The following SLC24A4 variants were observed in gnomAD, a reference collection of about 807,000 sequenced individuals.
The protein encoded by SLC24A4 is sodium/potassium/calcium exchanger 4.
Under a neutral mutation model 79.0 loss-of-function variants are expected in SLC24A4, and 53 were observed. That is an observed-to-expected ratio of 0.67 (90% CI 0.54 to 0.84). SLC24A4 has a LOEUF of 0.84. Among genes scored for constraint, SLC24A4 ranks in the 40% least tolerant of loss-of-function variants. The pLI, the probability that SLC24A4 is intolerant of heterozygous loss-of-function variation, is 0.00. For synonymous variants in SLC24A4, 323 were observed against 323.8 expected (o/e 1.00, Z 0.03); for missense variants, 731 against 822.0 (o/e 0.89, Z 1.35).
chr14:92,420,409 G>A (rs1891212225), intron 2 of SLC24A4, among the ~76,000 whole-genome samples: 1 of 152,096 alleles, frequency 6.6e-6, no homozygotes, highest in African/African-American at 2.4e-5. Flanking sequence ...GAACCTGGGG[G>A]CAGAGGTTGC....
chr14:92,369,223 A>G (rs1274226700), intron 2 of SLC24A4, among the ~76,000 whole-genome samples: 3 of 152,240 alleles, frequency 2.0e-5, no homozygotes, highest in African/African-American at 7.2e-5. Flanking sequence ...GGTGAGTACA[A>G]GACAATCTGA....
rs1484148777 is a variant in SLC24A4, at chr14:92,474,827, A to ATGTGTGTGTGTGTGTGTGTGTG, written c.1256-7852_1256-7851insGTGTGTGTGTGTGTGTGTGTGT. Among the ~76,000 whole-genome samples the ATGTGTGTGTGTGTGTGTGTGTG allele has an allele frequency of 1.6e-3, 122 of 77,276 alleles. 6 individuals are homozygous for ATGTGTGTGTGTGTGTGTGTGTG. Among genetic ancestry groups the ATGTGTGTGTGTGTGTGTGTGTG allele is most frequent in the African/African-American group, 5.3e-3 (112 of 21,206 alleles). 50.7% of individuals were successfully genotyped at this position (77,276 alleles called of 152,430 possible). On this transcript the variant is annotated intron_variant, in intron 12 of 16. Transcript: ENST00000532405. ...TACATATATACATATATATACATAT[A>ATGTGTGTGTGTGTGTGTGTGTG]TATGTGTGTGTGTGTGTATATATAT...
At chr14:92,471,686 A>G (rs2139892034) in intron 12 of SLC24A4, among the ~76,000 whole-genome samples, 1 of 152,304 alleles carries the variant, frequency 6.6e-6, no homozygotes, top group South Asian at 2.1e-4. Context: ...ATTATGGAAT[A>G]CATGATTAGC....
At position 92,330,154 on chromosome 14, in the gene SLC24A4, G is replaced by GA. The variant is rs1202091027; in HGVS notation, c.241+4176_241+4177insA. Among the ~76,000 whole-genome samples, 4 of 5,278 alleles carry GA rather than the reference G, an allele frequency of 7.6e-4. No individual in the cohort carries two copies. In the Non-Finnish European group the frequency reaches 0.048, roughly 63 times the overall value. 3.5% of individuals were successfully genotyped at this position (5,278 alleles called of 152,430 possible). ...AGCATGTCAGGAATGCAGAGTCTCA[G>GA]GCCCCCCAATCAGAATTGGCATCCT... On this transcript the variant is annotated intron_variant, in intron 2 of 16. Transcript: ENST00000532405.
At chr14:92,448,362 A>G (rs1233223505) in intron 9 of SLC24A4, among the ~76,000 whole-genome samples, 2 of 151,662 alleles carry the variant, frequency 1.3e-5, no homozygotes, top group Non-Finnish European at 2.9e-5. Context: ...ACACACACAC[A>G]CACACACACA....
chr14:92,372,714 G>A (rs1213618695), intron 2 of SLC24A4, among the ~76,000 whole-genome samples: 3 of 152,096 alleles, frequency 2.0e-5, no homozygotes, highest in Admixed American at 6.5e-5. Context: ...TCTCCCCTGG[G>A]CCTTCATCAA....
rs1315694868 is a variant in SLC24A4 at position 92,493,776 on chromosome 14, TTGTC to T, written c.*151_*154del. 8 of 977,124 alleles carry T rather than the reference TTGTC, an allele frequency of 8.2e-6. No individual in the cohort carries two copies. Among genetic ancestry groups the T allele is most frequent in the Middle Eastern group, 3.2e-4 (1 of 3,098 alleles). 60.5% of individuals were successfully genotyped at this position (977,124 alleles called of 1,614,324 possible). On this transcript the variant is annotated 3_prime_UTR_variant, in exon 17 of 17. Transcript: ENST00000532405. ...CTGGAAGGAAGAGCCATCGTGGTCT[TTGTC>T]TGGCCACAGGCCAGGCTGCTGGGCA... is the stretch of plus-strand genomic sequence containing the variant.
chr14:92,408,543 G>C, intron 2 of SLC24A4: 5 of 478,260 alleles, frequency 1.0e-5, no homozygotes, highest in Non-Finnish European at 1.4e-5. Flanking sequence ...AGCCAGGTCT[G>C]TGTGGCTTGG....
At chr14:92,385,879 T>A (rs1381666630) in intron 2 of SLC24A4, among the ~76,000 whole-genome samples, 1 of 152,174 alleles carries the variant, frequency 6.6e-6, no homozygotes, top group Non-Finnish European at 1.5e-5. Flanking sequence ...TCGCACCTCC[T>A]GGGATGCGAG....
chr14:92,342,366 T>TAAC (rs200565023), intron 2 of SLC24A4, among the ~76,000 whole-genome samples: 24 of 148,526 alleles, frequency 1.6e-4, no homozygotes, highest in Non-Finnish European at 3.1e-4. Flanking sequence ...TTTTCCCCAT[T>TAAC]TATTTATTTA....
chr14:92,408,504 G>A (rs1444573217), intron 2 of SLC24A4: 5 of 892,060 alleles, frequency 5.6e-6, no homozygotes, highest in Non-Finnish European at 5.4e-6. Context: ...TGAGGAGTGA[G>A]CCAAGGTAGA....
chr14:92,358,249 T>TAGG (rs1463924924), intron 2 of SLC24A4, among the ~76,000 whole-genome samples: 1 of 152,194 alleles, frequency 6.6e-6, no homozygotes, highest in Non-Finnish European at 1.5e-5. Flanking sequence ...GCAACTGGGA[T>TAGG]AGGTCCTTCT....
chr14:92,342,332 T>C (rs1276505343), intron 2 of SLC24A4, among the ~76,000 whole-genome samples: 3 of 151,464 alleles, frequency 2.0e-5, no homozygotes, highest in African/African-American at 7.3e-5. Flanking sequence ...TCTCCATTTC[T>C]GACATGCTCC....
In SLC24A4 at chr14:92,353,487, A is replaced by C. The variant is rs1887000413; in HGVS notation, c.241+27509A>C. ...GACAGATGGTGCCAGAGGGTCCTCC[A>C]TCAAGTCTGTACCCATTGGCAGCCT... On this transcript the variant is annotated intron_variant, in intron 2 of 16. Transcript: ENST00000532405. The surrounding 1 kb of genome is among the most constrained non-coding windows in gnomAD (Gnocchi z 4.1). Among the ~76,000 whole-genome samples, 1 of 152,200 alleles carries C rather than the reference A, an allele frequency of 6.6e-6. No individual in the cohort carries two copies. The highest frequency in any genetic ancestry group is 1.5e-5 in the Non-Finnish European group (1 of 68,040).
intron 2 of SLC24A4, among the ~76,000 whole-genome samples, chr14:92,396,218 G>A (rs1889768437): frequency 6.6e-6 from 1 of 152,214 alleles, no homozygotes; most frequent in African/African-American, 2.4e-5. Context: ...GGTGTGGGTT[G>A]TTTGCATCAC....
chr14:92,456,265 A>C (rs1595311177), intron 11 of SLC24A4, 139 bp from the exon 12 acceptor site: 2 of 747,288 alleles, frequency 2.7e-6, no homozygotes, highest in East Asian at 5.4e-5. Context: ...CCTGGGGCTG[A>C]TTCTCAGGCA....
chr14:92,483,512 G>A (rs550732281), intron 13 of SLC24A4, among the ~76,000 whole-genome samples: 1 of 152,320 alleles, frequency 6.6e-6, no homozygotes, highest in East Asian at 1.9e-4. Flanking sequence ...CTGCCTCTCA[G>A]TTTGCTACTG....
intron 2 of SLC24A4, among the ~76,000 whole-genome samples, chr14:92,369,961 A>G (rs1027691111): frequency 1.3e-5 from 2 of 152,232 alleles, no homozygotes; most frequent in Non-Finnish European, 2.9e-5. Context: ...GTTGAATTAC[A>G]TAATGTCAGC....
chr14:92,470,206 A>G lies in SLC24A4; in HGVS notation c.1256-12474A>G, dbSNP rs577668596. On this transcript the variant is annotated intron_variant, in intron 12 of 16. Coordinates refer to ENST00000532405, the MANE Select transcript of SLC24A4 (RefSeq NM_153646.4). ...AACTCCCTTCTCCTCTAGTCCTGCC[A>G]AATCATTGTGAGTGTGGTGATCTAA... is the stretch of plus-strand genomic sequence containing the variant. Among the ~76,000 whole-genome samples the G allele has an allele frequency of 2.4e-4, 37 of 152,326 alleles. No individual in the cohort carries two copies. In the South Asian group the frequency reaches 5.0e-3, roughly 20 times the overall value.
Sources: allele counts gnomAD v4.1 joint callset (sites outside exome capture counted in the v4.1 genomes callset), GRCh38; gene constraint gnomAD v4.1.1; non-coding constraint Gnocchi (gnomAD v3.1); transcripts MANE v1.5; gene names NCBI Gene and HGNC (gene_info 2026-07-23, HGNC 2026-07-21).